SUFU: variants seen among roughly 807,000 people sequenced by gnomAD.
The protein encoded by SUFU is suppressor of fused homolog.
Under a neutral mutation model 58.9 loss-of-function variants are expected in SUFU, and 7 were observed. That is an observed-to-expected ratio of 0.12 (90% CI 0.07 to 0.22). SUFU has a LOEUF of 0.22. SUFU is among the 10% of genes least tolerant of loss of function. The pLI, the probability that SUFU is intolerant of heterozygous loss-of-function variation, is 1.00. For synonymous variants in SUFU, 232 were observed against 254.8 expected (o/e 0.91, Z 0.85); for missense variants, 451 against 641.3 (o/e 0.70, Z 3.20).
intron 3 of SUFU, among the ~76,000 whole-genome samples, chr10:102,550,477 C>G (rs988994170): frequency 2.0e-5 from 3 of 152,120 alleles, no homozygotes; most frequent in Non-Finnish European, 4.4e-5. Context: ...TTGTAAGTAG[C>G]CTTCAAATGA....
intron 3 of SUFU, among the ~76,000 whole-genome samples, chr10:102,589,442 C>CTTTTTTTT (rs747625757): frequency 0.18 from 11,833 of 65,272 alleles, 3,131 homozygotes; most frequent in South Asian, 0.24. Context: ...TTCTTTCTTT[C>CTTTTTTTT]TTTTTTTTTT....
rs753661591 is a variant in SUFU, at chr10:102,630,162, C to T, written c.*7C>T. ...CGACAGTCCGCTACACTAGCCTGGG[C>T]TGGGCCCTGCAGTGGCCAGCAGGGA... On this transcript the variant is annotated 3_prime_UTR_variant, in exon 12 of 12. Coordinates refer to ENST00000369902, the MANE Select transcript of SUFU (RefSeq NM_016169.4). 6.2e-7 allele frequency: 1 copy of T among 1,613,660 alleles called. No individual in the cohort carries two copies. The highest frequency in any genetic ancestry group is 1.3e-5 in the African/African-American group (1 of 74,944).
chr10:102,551,713 C>T (rs1233037908), intron 3 of SUFU, among the ~76,000 whole-genome samples: 5 of 146,456 alleles, frequency 3.4e-5, no homozygotes, highest in Admixed American at 6.9e-5. Flanking sequence ...TTATTATGTG[C>T]CTTCTTTTTT....
intron 3 of SUFU, among the ~76,000 whole-genome samples, chr10:102,570,369 G>GTT (rs933552823): frequency 6.6e-6 from 1 of 152,100 alleles, no homozygotes; most frequent in African/African-American, 2.4e-5. Context: ...AGCCTCTCAA[G>GTT]TAGCTGGGAC....
At chr10:102,597,969 A>G (rs2063480305) in intron 7 of SUFU, among the ~76,000 whole-genome samples, 1 of 152,270 alleles carries the variant, frequency 6.6e-6, no homozygotes, top group Non-Finnish European at 1.5e-5. Flanking sequence ...GCAGCCACTT[A>G]CATATACATG....
intron 2 of SUFU, among the ~76,000 whole-genome samples, chr10:102,538,742 A>G (rs2062768765): frequency 6.6e-6 from 1 of 152,206 alleles, no homozygotes; most frequent in East Asian, 1.9e-4. Context: ...CCCAAAGTTC[A>G]TAGTTTACAT....
chr10:102,570,160 G>A (rs747923904), intron 3 of SUFU, among the ~76,000 whole-genome samples: 4 of 152,162 alleles, frequency 2.6e-5, no homozygotes, highest in East Asian at 3.9e-4. Context: ...TGGCCCAGGC[G>A]CTTGTAGAGG....
intron 3 of SUFU, among the ~76,000 whole-genome samples, chr10:102,551,313 C>G (rs1229281995): frequency 2.0e-5 from 3 of 152,172 alleles, no homozygotes; most frequent in Non-Finnish European, 4.4e-5. Context: ...CCAAACCTTC[C>G]TGTGGGGCTC....
In SUFU at chr10:102,550,078, G is replaced by A. The variant is rs2135743475; in HGVS notation, c.426G>A (p.Gln142=). 1.9e-6 allele frequency: 3 copies of A among 1,614,236 alleles called. No homozygotes were observed. The Admixed American group carries it at 5.0e-5, about 27-fold the overall frequency. ...CAACATGGCCCGCAGAGTTAATGCA[G>A]GGCTTGGCACGATACGTGTTCCAGT... ...APPTWPAELM[Q]GLARYVFQSE... Residue 142 remains glutamine (Q), a synonymous_variant, in exon 3 of 12, where the codon CAG becomes CAA. Transcript: ENST00000369902.
intron 10 of SUFU, among the ~76,000 whole-genome samples, chr10:102,621,454 T>C (rs1159721321): frequency 2.0e-5 from 3 of 152,096 alleles, no homozygotes; most frequent in African/African-American, 7.2e-5. Flanking sequence ...CACCGCCCAC[T>C]AAGAACAGGA....
chr10:102,504,197 C>A lies in SUFU; in HGVS notation c.45C>A (p.Pro15=). The A allele has an allele frequency of 5.1e-6, 8 of 1,578,804 alleles. No individual in the cohort carries two copies. The highest frequency in any genetic ancestry group is 2.3e-5 in the East Asian group (1 of 42,644). Residue 15 remains proline, a synonymous_variant, in exon 1 of 12, where the codon CCC becomes CCA. Coordinates refer to ENST00000369902, the MANE Select transcript of SUFU (RefSeq NM_016169.4). ...GCGGCGCCCCCGGCCCCACCGCGCC[C>A]CCGGCCCCTGGCCCGACTGCCCCCC... ...RPSGAPGPTA[P]PAPGPTAPPA...
Position 102,617,140 on chromosome 10 carries a change from C to A in SUFU, c.1158-150C>A. 1 of 881,792 alleles carries A rather than the reference C, an allele frequency of 1.1e-6. No homozygotes were observed. Among genetic ancestry groups the A allele is most frequent in the East Asian group, 2.6e-5 (1 of 38,700 alleles). 54.6% of individuals were successfully genotyped at this position (881,792 alleles called of 1,614,324 possible). On this transcript the variant is annotated intron_variant, in intron 9 of 11. Transcript: ENST00000369902. The surrounding 1 kb of genome is among the most constrained non-coding windows in gnomAD (Gnocchi z 4.4). ...GAAATGAGCGTGTTTGGATACAGTC[C>A]CCTGTTGATGGGCAGGTGGGCAGCC...
Position 102,629,988 on chromosome 10 carries a change from C to T in SUFU, c.1366-78C>T. ...CTATCCCTAGCTCCCCGGGGACAGGCCTGGGCAATCTCTGGAAAGACCACG... is the reference window on the plus strand; with the variant it reads ...CTATCCCTAGCTCCCCGGGGACAGGTCTGGGCAATCTCTGGAAAGACCACG... On this transcript the variant is annotated intron_variant, in intron 11 of 11. Transcript: ENST00000369902. The surrounding 1 kb of genome is among the most constrained non-coding windows in gnomAD (Gnocchi z 4.7). 7.4e-7 allele frequency: 1 copy of T among 1,351,748 alleles called. No homozygotes were observed. Among genetic ancestry groups the T allele is most frequent in the Non-Finnish European group, 1.1e-6 (1 of 940,770 alleles). The allele number at this position is 1,351,748 out of a possible 1,614,324, so 83.7% of individuals were successfully genotyped here.
intron 8 of SUFU, among the ~76,000 whole-genome samples, chr10:102,604,752 T>C (rs969293274): frequency 1.3e-5 from 2 of 152,040 alleles, no homozygotes; most frequent in African/African-American, 4.8e-5. Context: ...AGGGTAGGGC[T>C]GGGGATGGCG....
intron 3 of SUFU, among the ~76,000 whole-genome samples, chr10:102,573,925 A>G (rs1327149950): frequency 2.6e-5 from 4 of 152,226 alleles, no homozygotes; most frequent in Non-Finnish European, 5.9e-5. Flanking sequence ...TTGCACAACA[A>G]TATGAATGTA....
Position 102,550,085 on chromosome 10 carries a change from G to T in SUFU, c.433G>T (p.Ala145Ser). The change falls in exon 3 of 12, where the codon GCA becomes TCA. Residue 145 changes from alanine (A) to serine (S), a missense_variant. Transcript: ENST00000369902. The part of the protein sequence containing the change: ...TWPAELMQGL[A>S]RYVFQSENTF... ...GCCCGCAGAGTTAATGCAGGGCTTG[G>T]CACGATACGTGTTCCAGTCAGGTAG... The T allele has an allele frequency of 6.2e-7, 1 of 1,614,202 alleles. No individual in the cohort carries two copies. The highest frequency in any genetic ancestry group is 1.7e-5 in the Admixed American group (1 of 60,022).
chr10:102,526,115 G>A (rs1364365864), intron 2 of SUFU, among the ~76,000 whole-genome samples: 1 of 152,020 alleles, frequency 6.6e-6, no homozygotes, highest in Non-Finnish European at 1.5e-5. Context: ...CAGGAGCATG[G>A]GACCACCAGG....
chr10:102,601,918 C>T (rs1474181213), intron 8 of SUFU, among the ~76,000 whole-genome samples: 1 of 152,174 alleles, frequency 6.6e-6, no homozygotes, highest in Non-Finnish European at 1.5e-5. Context: ...ACTTCTGGGC[C>T]AGGGAGCTCT....
intron 10 of SUFU, chr10:102,618,929 AGCGTGT>A: frequency 1.6e-6 from 1 of 619,770 alleles, no homozygotes; most frequent in Non-Finnish European, 2.5e-6. Flanking sequence ...GTCCTCAGGT[AGCGTGT>A]GTGTGTGTGT....
Sources: allele counts gnomAD v4.1 joint callset (sites outside exome capture counted in the v4.1 genomes callset), GRCh38; gene constraint gnomAD v4.1.1; non-coding constraint Gnocchi (gnomAD v3.1); transcripts MANE v1.5; gene names NCBI Gene and HGNC (gene_info 2026-07-23, HGNC 2026-07-21).